KIF16B: variants seen among roughly 807,000 people sequenced by gnomAD.
KIF16B encodes the protein kinesin family member 16B, also known as kinesin-like protein KIF16B.
A neutral mutation model predicts 156.3 loss-of-function variants in KIF16B; 98 were observed. The observed-to-expected ratio is 0.63, with a 90% CI of 0.53 to 0.74. The LOEUF is 0.74. Ranked by LOEUF, KIF16B falls within the 30% of genes least tolerant of loss-of-function variation. KIF16B has a pLI of 0.00. For synonymous variants in KIF16B, 564 were observed against 583.7 expected (o/e 0.97, Z 0.49); for missense variants, 1,421 against 1,606.5 (o/e 0.88, Z 1.97).
chr20:16,494,249 A>G, intron 12 of KIF16B, 42 bp downstream of exon 12: 1 of 1,231,608 alleles, frequency 8.1e-7, no homozygotes, highest in Non-Finnish European at 1.2e-6. Flanking sequence ...TTACCAGTTT[A>G]ATCCACCATA....
intron 3 of KIF16B, among the ~76,000 whole-genome samples, chr20:16,525,568 G>A (rs1219085740): frequency 2.0e-5 from 3 of 152,162 alleles, no homozygotes; most frequent in Non-Finnish European, 2.9e-5. Flanking sequence ...AAGCCTACAG[G>A]CAAGATTTCT....
intron 12 of KIF16B, among the ~76,000 whole-genome samples, chr20:16,482,131 T>C (rs2067999644): frequency 6.6e-6 from 1 of 152,118 alleles, no homozygotes; most frequent in Non-Finnish European, 1.5e-5. Context: ...ATCCTGGTAA[T>C]AGACATCCAC....
At chr20:16,440,188 C>A (rs2066754239) in intron 12 of KIF16B, among the ~76,000 whole-genome samples, 1 of 152,106 alleles carries the variant, frequency 6.6e-6, no homozygotes. Context: ...AGGATGGGGT[C>A]AGTGAGAGCC....
intron 1 of KIF16B, among the ~76,000 whole-genome samples, chr20:16,568,595 CTTGAGCCCAGGAGT>C (rs1462666462): frequency 2.0e-5 from 3 of 152,054 alleles, no homozygotes; most frequent in Non-Finnish European, 4.4e-5. Context: ...GGGAGGATCA[CTTGAGCCCAGGAGT>C]TTGAGACCAG....
chr20:16,494,178 A>T, intron 12 of KIF16B, 113 bp downstream of exon 12: 2 of 667,062 alleles, frequency 3.0e-6, no homozygotes, highest in African/African-American at 1.9e-5. Context: ...GGTTCCAGTG[A>T]TCTTACCTTA....
At chr20:16,286,325 A>G (rs1269442690) in intron 25 of KIF16B, among the ~76,000 whole-genome samples, 4 of 152,160 alleles carry the variant, frequency 2.6e-5, no homozygotes, top group Non-Finnish European at 5.9e-5. Flanking sequence ...AGATATTGCC[A>G]AATTGTTTTC....
At chr20:16,520,121 CAGG>C (rs1268658282) in intron 3 of KIF16B, among the ~76,000 whole-genome samples, 29 of 145,114 alleles carry the variant, frequency 2.0e-4, no homozygotes, top group Non-Finnish European at 1.5e-5. Context: ...GAGCTAGCTG[CAGG>C]AGTTTTTTTT....
rs184926287 is a variant in KIF16B at position 16,289,360 on chromosome 20, A to T, written c.3796-15949T>A. ...TTTGTCCTCAGGGAATTGATATGCA[A>T]ATATGTTAATTTTCCCCTCTTTTAA... On this transcript the variant is annotated intron_variant, in intron 25 of 25. Transcript: ENST00000354981. Among the ~76,000 whole-genome samples, 27 of 152,286 alleles carry T rather than the reference A, an allele frequency of 1.8e-4. No homozygotes were observed. The East Asian group carries it at 5.0e-3, about 28-fold the overall frequency.
rs540793497 is a variant in KIF16B at position 16,398,936 on chromosome 20, G to A, written c.1784+5877C>T. Among the ~76,000 whole-genome samples the A allele has an allele frequency of 5.6e-4, 86 of 152,272 alleles. 1 individual carries two copies. The highest frequency in any genetic ancestry group is 1.9e-3 in the African/African-American group (80 of 41,550). ...TGTTTGTGTTTGTGTATACTGGGGCGGGCAGGGAAGCAAACATTTAATAGA... is the reference window on the plus strand; with the variant it reads ...TGTTTGTGTTTGTGTATACTGGGGCAGGCAGGGAAGCAAACATTTAATAGA... On this transcript the variant is annotated intron_variant, in intron 17 of 25. Transcript: ENST00000354981.
intron 1 of KIF16B, among the ~76,000 whole-genome samples, chr20:16,538,485 T>C (rs1275044088): frequency 1.3e-5 from 2 of 152,206 alleles, no homozygotes; most frequent in East Asian, 1.9e-4. Flanking sequence ...AAGCCAATTA[T>C]GGGTCCTTCA....
In KIF16B at chr20:16,504,525, A is replaced by G. The variant is rs373558796; in HGVS notation, c.1023T>C (p.Asn341=). Residue 341 remains asparagine, a synonymous_variant, in exon 10 of 26, where the codon AAT becomes AAC. Transcript: ENST00000354981. ...MIATISPADV[N]YGETLSTLRY... ...GAAGAGTACTTAGGGTTTCTCCATA[A>G]TTGACATCAGCAGGTGAAATGGCTG... 1 of 1,613,978 alleles carries G rather than the reference A, an allele frequency of 6.2e-7. No homozygotes were observed. Among genetic ancestry groups the G allele is most frequent in the African/African-American group, 1.3e-5 (1 of 75,038 alleles).
At chr20:16,472,328 T>A (rs2067684792) in intron 12 of KIF16B, among the ~76,000 whole-genome samples, 1 of 152,098 alleles carries the variant, frequency 6.6e-6, no homozygotes, top group Admixed American at 6.5e-5. Flanking sequence ...ATAGATTATC[T>A]CTTTACATAG....
chr20:16,412,281 C>T (rs559401617), intron 15 of KIF16B, among the ~76,000 whole-genome samples: 2 of 151,966 alleles, frequency 1.3e-5, no homozygotes, highest in South Asian at 4.2e-4. Context: ...TTAGTGGGAG[C>T]TGATTTGGTA....
intron 17 of KIF16B, among the ~76,000 whole-genome samples, chr20:16,403,791 G>A (rs911659629): frequency 1.2e-4 from 19 of 152,200 alleles, no homozygotes; most frequent in African/African-American, 3.4e-4. Context: ...CAGAACACTG[G>A]CTTGGGCTGA....
At chr20:16,502,243 A>G (rs980018325) in intron 10 of KIF16B, among the ~76,000 whole-genome samples, 2 of 152,188 alleles carry the variant, frequency 1.3e-5, no homozygotes, top group African/African-American at 4.8e-5. Flanking sequence ...TTTGAATAAC[A>G]TTCTCAATGA....
intron 24 of KIF16B, among the ~76,000 whole-genome samples, chr20:16,313,374 G>C (rs1295775619): frequency 6.6e-6 from 1 of 152,186 alleles, no homozygotes; most frequent in East Asian, 1.9e-4. Flanking sequence ...TATTGCCACA[G>C]TGGGAGTCAA....
intron 22 of KIF16B, among the ~76,000 whole-genome samples, chr20:16,369,722 T>C (rs1347541714): frequency 2.0e-5 from 3 of 152,332 alleles, no homozygotes; most frequent in African/African-American, 4.8e-5. Flanking sequence ...CCAGGTTACA[T>C]TTCTCTCTCC....
intron 15 of KIF16B, among the ~76,000 whole-genome samples, chr20:16,420,205 T>G (rs1357096758): frequency 6.6e-6 from 1 of 152,172 alleles, no homozygotes; most frequent in African/African-American, 2.4e-5. Flanking sequence ...AGCCTTTTCT[T>G]TTGAGTGAAG....
chr20:16,308,666 T>C (rs1257803662), intron 25 of KIF16B, among the ~76,000 whole-genome samples: 1 of 152,234 alleles, frequency 6.6e-6, no homozygotes, highest in Non-Finnish European at 1.5e-5. Context: ...CAGGATATCA[T>C]AAGCATTTTC....
Sources: allele counts gnomAD v4.1 joint callset (sites outside exome capture counted in the v4.1 genomes callset), GRCh38; gene constraint gnomAD v4.1.1; transcripts MANE v1.5; gene names NCBI Gene and HGNC (gene_info 2026-07-23, HGNC 2026-07-21).